Variants in LRFN2 observed in about 807,000 individuals in gnomAD.
The protein encoded by LRFN2 is leucine rich repeat and fibronectin type III domain containing 2.
In LRFN2, 18 loss-of-function variants were observed where a neutral mutation model predicts 37.3. The ratio of observed to expected loss-of-function variants is 0.48; its 90% CI spans 0.33 to 0.72. The LOEUF (loss-of-function observed/expected upper bound fraction) is 0.72, where lower values mean the gene tolerates loss of function less well. LRFN2 is among the 30% of genes least tolerant of loss of function. LRFN2 has a pLI of 0.02. For missense variants in LRFN2, 1,006 were observed against 1,060.7 expected (o/e 0.95, Z 0.72); for synonymous variants, 556 against 466.6 (o/e 1.19, Z -2.47).
At chr6:40,471,179 G>A (rs75706302) in intron 1 of LRFN2, among the ~76,000 whole-genome samples, 5,698 of 152,248 alleles carry the variant, frequency 0.037, 157 homozygotes, top group East Asian at 0.098. Flanking sequence ...ATCTGAGAGT[G>A]TCTGGGAAAG....
chr6:40,431,104 C>CT lies in LRFN2; in HGVS notation c.1400+609dup, dbSNP rs964740213. Among the ~76,000 whole-genome samples, 289 of 148,430 alleles carry CT rather than the reference C, an allele frequency of 1.9e-3. 1 individual carries two copies. Among genetic ancestry groups the CT allele is most frequent in the African/African-American group, 6.2e-3 (255 of 40,860 alleles). On this transcript the variant is annotated intron_variant, in intron 2 of 2. Transcript: ENST00000338305. ...ACACTCTCCCTCCCTTTCTCTCTCTCTTTTTTTTTTAAAAGCCAGTTTGAT... is the reference window on the plus strand; with the variant it reads ...ACACTCTCCCTCCCTTTCTCTCTCTCTTTTTTTTTTTAAAAGCCAGTTTGAT...
intron 1 of LRFN2, among the ~76,000 whole-genome samples, chr6:40,573,749 A>G (rs779863849): frequency 2.1e-4 from 32 of 152,184 alleles, no homozygotes; most frequent in Admixed American, 2.6e-4. Flanking sequence ...AGGCCGAGGC[A>G]GGTGAATCAC....
intron 2 of LRFN2, among the ~76,000 whole-genome samples, chr6:40,409,046 C>T (rs2113803435): frequency 6.6e-6 from 1 of 152,310 alleles, no homozygotes; most frequent in South Asian, 2.1e-4. Context: ...GACTTTATCA[C>T]CCCTTACAGG....
At chr6:40,520,556 C>A (rs956641600) in intron 1 of LRFN2, among the ~76,000 whole-genome samples, 2 of 152,222 alleles carry the variant, frequency 1.3e-5, no homozygotes, top group Non-Finnish European at 2.9e-5. Context: ...AGCATTGTGG[C>A]CTTCCTGTCC....
chr6:40,406,448 C>T (rs1762850191), intron 2 of LRFN2, among the ~76,000 whole-genome samples: 2 of 152,224 alleles, frequency 1.3e-5, no homozygotes, highest in African/African-American at 2.4e-5. Flanking sequence ...ACTTCTCTTG[C>T]TGACTAACCA....
In LRFN2 at chr6:40,408,496, G is replaced by C. The variant is rs60702290; in HGVS notation, c.1401-15584C>G. Among the ~76,000 whole-genome samples the C allele has an allele frequency of 5.7e-3, 868 of 152,300 alleles. 3 individuals are homozygous for C. The highest frequency in any genetic ancestry group is 0.019 in the African/African-American group (808 of 41,550). On this transcript the variant is annotated intron_variant, in intron 2 of 2. Transcript: ENST00000338305. ...ATGCTATTCTACATGTGCCCCAATG[G>C]ATGAAGAGTAGAGCAACTCCAGAGC...
At chr6:40,435,052 T>TATATATATATATAGAG (rs1482968698) in intron 1 of LRFN2, among the ~76,000 whole-genome samples, 7 of 37,544 alleles carry the variant, frequency 1.9e-4, no homozygotes, top group Non-Finnish European at 2.5e-4. Flanking sequence ...TATATATATA[T>TATATATATATATAGAG]AGAGAGAGAG....
At chr6:40,424,746 T>A (rs1295379782) in intron 2 of LRFN2, among the ~76,000 whole-genome samples, 1 of 152,076 alleles carries the variant, frequency 6.6e-6, no homozygotes, top group Non-Finnish European at 1.5e-5. Context: ...ATCCAGACCC[T>A]CTTGGGAAAC....
Position 40,515,953 on chromosome 6 carries a change from A to C in LRFN2, c.-19+70988T>G, listed in dbSNP as rs1765858834. Among the ~76,000 whole-genome samples, 6 of 151,194 alleles carry C rather than the reference A, an allele frequency of 4.0e-5. No homozygotes were observed. The South Asian group carries it at 1.3e-3, about 32-fold the overall frequency. On this transcript the variant is annotated intron_variant, in intron 1 of 2. Coordinates refer to ENST00000338305, the MANE Select transcript of LRFN2 (RefSeq NM_020737.3). Reference sequence around the variant, plus strand: ...ATTGCCTCAGCATACAGGTATAAATACCCCTGCTCACTCACTCCTCAGGTG... The same window carrying C: ...ATTGCCTCAGCATACAGGTATAAATCCCCCTGCTCACTCACTCCTCAGGTG...
At chr6:40,441,221 G>T (rs1427354656) in intron 1 of LRFN2, among the ~76,000 whole-genome samples, 1 of 152,196 alleles carries the variant, frequency 6.6e-6, no homozygotes, top group Admixed American at 6.5e-5. Context: ...CTTGAGACAC[G>T]TGTGAGCCAA....
intron 1 of LRFN2, among the ~76,000 whole-genome samples, chr6:40,529,224 C>T (rs551106217): frequency 1.3e-5 from 2 of 152,244 alleles, no homozygotes; most frequent in African/African-American, 2.4e-5. Flanking sequence ...GAGAGGTCAG[C>T]CAGCGCTTCA....
intron 1 of LRFN2, among the ~76,000 whole-genome samples, chr6:40,552,197 A>G (rs1481300168): frequency 6.6e-6 from 1 of 152,356 alleles, no homozygotes; most frequent in East Asian, 1.9e-4. Context: ...AAGTGAGCCC[A>G]GGAATCCTTG....
At position 40,482,713 on chromosome 6, in the gene LRFN2, C is replaced by G. The variant is rs1347094022; in HGVS notation, c.-18-49582G>C. Among the ~76,000 whole-genome samples, 4 of 152,248 alleles carry G rather than the reference C, an allele frequency of 2.6e-5. No homozygotes were observed. The East Asian group carries it at 5.8e-4, about 22-fold the overall frequency. On this transcript the variant is annotated intron_variant, in intron 1 of 2. Coordinates refer to ENST00000338305, the MANE Select transcript of LRFN2 (RefSeq NM_020737.3). The stretch of plus-strand genomic sequence containing the variant: ...CCCCACTGCGCCCTCCTTCTGCACA[C>G]CCCTCCGCCCTCGCCCTGCCCATCT...
chr6:40,400,210 T>A (rs1183811330), intron 2 of LRFN2, among the ~76,000 whole-genome samples: 1 of 151,904 alleles, frequency 6.6e-6, no homozygotes, highest in African/African-American at 2.4e-5. Context: ...TATTCCTCTT[T>A]GTATTTCTAC....
chr6:40,490,860 C>T (rs758403881), intron 1 of LRFN2, among the ~76,000 whole-genome samples: 16 of 152,216 alleles, frequency 1.1e-4, no homozygotes, highest in East Asian at 3.9e-4. Context: ...CCTGACTTCC[C>T]GGCTTCCCTG....
At chr6:40,453,725 C>T (rs529600982) in intron 1 of LRFN2, among the ~76,000 whole-genome samples, 2 of 152,246 alleles carry the variant, frequency 1.3e-5, no homozygotes, top group South Asian at 2.1e-4. Context: ...GAGTTTTACT[C>T]ACATCACTCA....
intron 2 of LRFN2, among the ~76,000 whole-genome samples, chr6:40,423,383 A>G (rs1763274013): frequency 6.6e-6 from 1 of 152,236 alleles, no homozygotes; most frequent in Non-Finnish European, 1.5e-5. Flanking sequence ...GCAGGCTCCT[A>G]GTAATCATAA....
At chr6:40,498,641 T>C (rs906740457) in intron 1 of LRFN2, among the ~76,000 whole-genome samples, 2 of 152,180 alleles carry the variant, frequency 1.3e-5, no homozygotes, top group Non-Finnish European at 2.9e-5. Flanking sequence ...CACACTCAGC[T>C]CACGCCCAGC....
At chr6:40,536,696 C>T (rs1332938728) in intron 1 of LRFN2, among the ~76,000 whole-genome samples, 1 of 152,098 alleles carries the variant, frequency 6.6e-6, no homozygotes, top group East Asian at 1.9e-4. Context: ...AGGGTACAGC[C>T]TCCACCAAGG....
Sources: allele counts gnomAD v4.1 joint callset (sites outside exome capture counted in the v4.1 genomes callset), GRCh38; gene constraint gnomAD v4.1.1; transcripts MANE v1.5; gene names NCBI Gene and HGNC (gene_info 2026-07-23, HGNC 2026-07-21).